PLD5: variants seen among roughly 807,000 people sequenced by gnomAD.
PLD5 encodes the protein inactive phospholipase D5.
Under a neutral mutation model 61.1 loss-of-function variants are expected in PLD5, and 36 were observed. That is an observed-to-expected ratio of 0.59 (90% confidence interval 0.45 to 0.78). The LOEUF is 0.78. PLD5 is among the 30% of genes least tolerant of loss of function. The probability of loss-of-function intolerance (pLI) is 0.00; values close to 1 mark genes in which losing one functional copy is unlikely to be tolerated. For synonymous variants in PLD5, 243 were observed against 242.8 expected (o/e 1.00, Z -0.01); for missense variants, 515 against 644.4 (o/e 0.80, Z 2.17).
intron 1 of PLD5, among the ~76,000 whole-genome samples, chr1:242,406,626 C>A (rs1388830575): frequency 3.9e-5 from 6 of 152,166 alleles, no homozygotes; most frequent in African/African-American, 1.4e-4. Flanking sequence ...GCAGAGAAAC[C>A]AGCTCTGACA....
chr1:242,350,197 A>C (rs1574778401), intron 1 of PLD5, among the ~76,000 whole-genome samples: 1 of 152,128 alleles, frequency 6.6e-6, no homozygotes, highest in African/African-American at 2.4e-5. Context: ...CCAGCCTCCA[A>C]AACTGTGAGA....
At chr1:242,293,255 G>C (rs998861698) in intron 2 of PLD5, among the ~76,000 whole-genome samples, 6 of 152,302 alleles carry the variant, frequency 3.9e-5, no homozygotes, top group African/African-American at 1.4e-4. Flanking sequence ...AGATATTGGA[G>C]GAGGAGGAGA....
At chr1:242,415,734 T>G (rs1014167156) in intron 1 of PLD5, among the ~76,000 whole-genome samples, 11 of 151,954 alleles carry the variant, frequency 7.2e-5, no homozygotes, top group African/African-American at 2.7e-4. Flanking sequence ...AGGATGGTCT[T>G]GATCTCCTGA....
chr1:242,357,450 C>T (rs909534500), intron 1 of PLD5, among the ~76,000 whole-genome samples: 1 of 148,868 alleles, frequency 6.7e-6, no homozygotes, highest in Non-Finnish European at 1.5e-5. Flanking sequence ...TTTTCTGTAC[C>T]TAGCTGTTGG....
chr1:242,526,561 G>A (rs1407135436), upstream of PLD5, among the ~76,000 whole-genome samples: 2 of 152,032 alleles, frequency 1.3e-5, no homozygotes, highest in Non-Finnish European at 2.9e-5. Context: ...TCAACCTCCC[G>A]AGTAACTGGG....
At chr1:242,511,588 G>A (rs1312923855) in intron 1 of PLD5, among the ~76,000 whole-genome samples, 3 of 149,086 alleles carry the variant, frequency 2.0e-5, no homozygotes, top group African/African-American at 4.9e-5. Context: ...GTCTAATGAT[G>A]AAAAAAAAAA....
At chr1:242,294,866 C>G (rs1254905392) in intron 2 of PLD5, among the ~76,000 whole-genome samples, 2 of 152,156 alleles carry the variant, frequency 1.3e-5, no homozygotes, top group African/African-American at 2.4e-5. Flanking sequence ...TCTACATATA[C>G]TGGCTAAAAG....
At chr1:242,273,795 A>G (rs1674251087) in intron 3 of PLD5, among the ~76,000 whole-genome samples, 1 of 152,204 alleles carries the variant, frequency 6.6e-6, no homozygotes. Context: ...CAACTAGAGG[A>G]GAAGACACTG....
chr1:242,411,396 C>T lies in PLD5; in HGVS notation c.190-63154G>A, dbSNP rs1330712643. On this transcript the variant is annotated intron_variant, in intron 1 of 9. Transcript: ENST00000536534. The stretch of plus-strand genomic sequence containing the variant: ...GACTACAGGCGCCCGCCACCACGCC[C>T]GGCTAATTTTTTGTATTTTTAGTAG... 4.6e-5 allele frequency among the ~76,000 whole-genome samples: 7 copies of T among 152,088 alleles called. No homozygotes were observed. The East Asian group carries it at 5.8e-4, about 13-fold the overall frequency.
chr1:242,464,064 T>C (rs1015164682), intron 1 of PLD5, among the ~76,000 whole-genome samples: 3 of 152,218 alleles, frequency 2.0e-5, no homozygotes, highest in African/African-American at 4.8e-5. Context: ...GATTTTAATC[T>C]TACTTAATCT....
intron 1 of PLD5, among the ~76,000 whole-genome samples, chr1:242,501,170 A>T (rs1039533): frequency 0.47 from 71,826 of 151,892 alleles, 17,549 homozygotes; most frequent in East Asian, 0.65. Context: ...GAGCTTTCCC[A>T]TTCATTAAAT....
At chr1:242,293,965 C>T (rs1675512393) in intron 2 of PLD5, among the ~76,000 whole-genome samples, 1 of 152,200 alleles carries the variant, frequency 6.6e-6, no homozygotes, top group Non-Finnish European at 1.5e-5. Context: ...GAGGCCTGAT[C>T]TAATTAGCAT....
rs1667798245 is a variant in PLD5, at chr1:242,482,103, T to C, written c.189+41985A>G. Among the ~76,000 whole-genome samples, 3 of 151,996 alleles carry C rather than the reference T, an allele frequency of 2.0e-5. No individual in the cohort carries two copies. In the South Asian group the frequency reaches 6.2e-4, roughly 31 times the overall value. On this transcript the variant is annotated intron_variant, in intron 1 of 9. Coordinates refer to ENST00000536534, the MANE Select transcript of PLD5 (RefSeq NM_001372062.1). Reference sequence around the variant, plus strand: ...CCAAAGGTAGATAAAACCACAAAGATGGGGAAAAACAGAGCAGAAAAACTG... The same window carrying C: ...CCAAAGGTAGATAAAACCACAAAGACGGGGAAAAACAGAGCAGAAAAACTG...
At chr1:242,414,604 T>C (rs960827450) in intron 1 of PLD5, among the ~76,000 whole-genome samples, 14 of 152,156 alleles carry the variant, frequency 9.2e-5, no homozygotes, top group African/African-American at 2.9e-4. Flanking sequence ...AACATAGTCA[T>C]TTTCCTTAGT....
At chr1:242,487,322 T>A (rs1232369478) in intron 1 of PLD5, among the ~76,000 whole-genome samples, 1 of 151,934 alleles carries the variant, frequency 6.6e-6, no homozygotes, top group African/African-American at 2.4e-5. Context: ...CACATGCAAA[T>A]AAAACTACCA....
chr1:242,229,405 A>ATTTT (rs1671155213), intron 4 of PLD5, among the ~76,000 whole-genome samples: 2 of 152,232 alleles, frequency 1.3e-5, no homozygotes, highest in Non-Finnish European at 2.9e-5. Flanking sequence ...ATAAAGCATA[A>ATTTT]TAAAATGGAT....
chr1:242,154,738 C>T (rs747774662), intron 5 of PLD5, among the ~76,000 whole-genome samples: 5 of 152,204 alleles, frequency 3.3e-5, no homozygotes, highest in South Asian at 2.1e-4. Flanking sequence ...CTGCTGGATT[C>T]GGTTTGCCAG....
At chr1:242,521,758 A>G (rs1669287744) in intron 1 of PLD5, among the ~76,000 whole-genome samples, 1 of 122,652 alleles carries the variant, frequency 8.2e-6, no homozygotes, top group African/African-American at 3.0e-5. Context: ...CAACATATGA[A>G]TCAGAAGGTA....
At chr1:242,457,296 C>T (rs1666973199) in intron 1 of PLD5, among the ~76,000 whole-genome samples, 1 of 152,150 alleles carries the variant, frequency 6.6e-6, no homozygotes, top group South Asian at 2.1e-4. Flanking sequence ...ATTACAATTA[C>T]TTAAACAAAA....
Sources: allele counts gnomAD v4.1 joint callset (sites outside exome capture counted in the v4.1 genomes callset), GRCh38; gene constraint gnomAD v4.1.1; transcripts MANE v1.5; gene names NCBI Gene and HGNC (gene_info 2026-07-23, HGNC 2026-07-21).